AK5: variants seen among roughly 807,000 people sequenced by gnomAD.
AK5 encodes adenylate kinase 5.
AK5 carries 27 observed loss-of-function variants against 69.5 expected under a neutral mutation model. That is an observed-to-expected ratio of 0.39 (90% CI 0.29 to 0.54). The LOEUF (loss-of-function observed/expected upper bound fraction) is 0.54, where lower values mean the gene tolerates loss of function less well. Ranked by LOEUF, AK5 falls within the 20% of genes least tolerant of loss-of-function variation. The probability of loss-of-function intolerance (pLI) is 0.71; values close to 1 mark genes in which losing one functional copy is unlikely to be tolerated. For missense variants in AK5, 531 were observed against 700.4 expected (o/e 0.76, Z 2.73); for synonymous variants, 260 against 244.4 (o/e 1.06, Z -0.60).
chr1:77,377,402 A>G (rs1018527374), intron 6 of AK5, among the ~76,000 whole-genome samples: 10 of 152,124 alleles, frequency 6.6e-5, no homozygotes, highest in African/African-American at 2.4e-4. Flanking sequence ...ACTTAGGCCC[A>G]AGTTCTCATC....
At chr1:77,285,697 C>CA (rs745363499) in intron 1 of AK5, among the ~76,000 whole-genome samples, 12 of 152,022 alleles carry the variant, frequency 7.9e-5, no homozygotes, top group African/African-American at 2.9e-4. Flanking sequence ...CACCATGAAC[C>CA]AAAAAAGTAA....
chr1:77,386,449 G>C (rs919802969), intron 6 of AK5, among the ~76,000 whole-genome samples: 36 of 152,164 alleles, frequency 2.4e-4, no homozygotes, highest in Non-Finnish European at 8.8e-5. Context: ...ACTGTGGGGT[G>C]AAAGGGAGCA....
chr1:77,486,560 T>C (rs1166637518), intron 10 of AK5, among the ~76,000 whole-genome samples: 3 of 151,822 alleles, frequency 2.0e-5, no homozygotes, highest in Non-Finnish European at 4.4e-5. Context: ...TAGCCGGGCA[T>C]GGTGGCGGGC....
At chr1:77,349,998 A>T (rs1005258191) in intron 6 of AK5, among the ~76,000 whole-genome samples, 22 of 152,192 alleles carry the variant, frequency 1.4e-4, no homozygotes, top group African/African-American at 5.3e-4. Flanking sequence ...GACAACAGTG[A>T]TCCTCCTTTT....
intron 6 of AK5, among the ~76,000 whole-genome samples, chr1:77,407,617 G>GT (rs1649746689): frequency 6.6e-6 from 1 of 151,992 alleles, no homozygotes; most frequent in Non-Finnish European, 1.5e-5. Context: ...CTTATAATTT[G>GT]TTTTTTTAAA....
At chr1:77,542,464 G>A (rs937704064) in intron 13 of AK5, among the ~76,000 whole-genome samples, 4 of 152,188 alleles carry the variant, frequency 2.6e-5, no homozygotes, top group Non-Finnish European at 5.9e-5. Flanking sequence ...ATTTGAATTA[G>A]GACCTGACTG....
chr1:77,283,419 G>A (rs1016437893), intron 1 of AK5: 1 of 984,182 alleles, frequency 1.0e-6, no homozygotes, highest in African/African-American at 1.8e-5. Flanking sequence ...GTAAACTAAA[G>A]GTCATGAGGG....
At chr1:77,524,577 A>G (rs1279787058) in intron 12 of AK5, among the ~76,000 whole-genome samples, 1 of 152,168 alleles carries the variant, frequency 6.6e-6, no homozygotes. Context: ...CATGTGCTTT[A>G]AATGAAGTTG....
intron 5 of AK5, among the ~76,000 whole-genome samples, chr1:77,324,400 G>C (rs998478651): frequency 1.3e-5 from 2 of 151,704 alleles, no homozygotes; most frequent in African/African-American, 4.8e-5. Flanking sequence ...TTTCGTGTAT[G>C]CCTATAGAGC....
intron 3 of AK5, among the ~76,000 whole-genome samples, chr1:77,295,897 A>G (rs1009786358): frequency 2.0e-5 from 3 of 152,190 alleles, no homozygotes; most frequent in African/African-American, 7.2e-5. Flanking sequence ...AATCTCTCCC[A>G]CTTCACATTT....
At chr1:77,337,676 A>G (rs1247204189) in intron 5 of AK5, among the ~76,000 whole-genome samples, 1 of 152,190 alleles carries the variant, frequency 6.6e-6, no homozygotes, top group Non-Finnish European at 1.5e-5. Context: ...TGATTCTCTA[A>G]TTTTTTAAGG....
intron 8 of AK5, among the ~76,000 whole-genome samples, chr1:77,475,491 TACAAA>T: frequency 2.0e-5 from 1 of 50,064 alleles, no homozygotes; most frequent in African/African-American, 6.2e-5. Flanking sequence ...ATTATATATA[TACAAA>T]TATATATTAT....
chr1:77,417,215 C>T lies in AK5; in HGVS notation c.983-424C>T, dbSNP rs527508320. ...ACTCTGTACTTTGCTCATGGTGTTC[C>T]TTCTACTTCCATTATTGTTGCAAAT... On this transcript the variant is annotated intron_variant, in intron 7 of 13. Coordinates refer to ENST00000354567, the MANE Select transcript of AK5 (RefSeq NM_174858.3). 2.0e-5 allele frequency among the ~76,000 whole-genome samples: 3 copies of T among 152,030 alleles called. No individual in the cohort carries two copies. In the South Asian group the frequency reaches 6.2e-4, roughly 32 times the overall value.
intron 8 of AK5, among the ~76,000 whole-genome samples, chr1:77,463,844 T>C (rs1235185154): frequency 6.6e-6 from 1 of 152,182 alleles, no homozygotes; most frequent in Non-Finnish European, 1.5e-5. Flanking sequence ...GGATGCTCAT[T>C]GTCCAAGCTT....
intron 7 of AK5, among the ~76,000 whole-genome samples, chr1:77,412,626 C>T (rs188094176): frequency 6.6e-6 from 1 of 152,272 alleles, no homozygotes; most frequent in East Asian, 1.9e-4. Flanking sequence ...GGTGAAATCT[C>T]CTGGCTTATA....
chr1:77,467,615 T>C (rs575672158), intron 8 of AK5, among the ~76,000 whole-genome samples: 6 of 152,222 alleles, frequency 3.9e-5, no homozygotes, highest in Non-Finnish European at 8.8e-5. Context: ...CATGGCATAA[T>C]CTTCTTCGTA....
At chr1:77,497,912 A>G (rs1656449101) in intron 10 of AK5, among the ~76,000 whole-genome samples, 1 of 150,384 alleles carries the variant, frequency 6.6e-6, no homozygotes, top group South Asian at 2.1e-4. Flanking sequence ...TGAGATGCTT[A>G]TGAGATATCC....
chr1:77,441,826 A>T (rs1462500131), intron 8 of AK5, among the ~76,000 whole-genome samples: 1 of 151,892 alleles, frequency 6.6e-6, no homozygotes, highest in Non-Finnish European at 1.5e-5. Flanking sequence ...TGTGCTCAAG[A>T]TCTCTCAAAC....
At chr1:77,520,263 T>C (rs113029136) in intron 11 of AK5, among the ~76,000 whole-genome samples, 4,925 of 151,956 alleles carry the variant, frequency 0.032, 75 homozygotes, top group Middle Eastern at 0.082. Flanking sequence ...CAGTAGGTCT[T>C]AGCCTTATTT....
Sources: gnomAD v4.1 joint callset for allele counts (sites outside exome capture counted in the v4.1 genomes callset) on GRCh38, gnomAD v4.1.1 for gene constraint, MANE v1.5 for transcripts, NCBI Gene and HGNC (gene_info 2026-07-23, HGNC 2026-07-21) for gene names.